The following SGIP1 variants were observed in gnomAD, a reference collection of about 807,000 sequenced individuals.
SGIP1 encodes SH3-containing GRB2-like protein 3-interacting protein 1.
SGIP1 carries 38 observed loss-of-function variants against 107.5 expected under a neutral mutation model. The ratio of observed to expected loss-of-function variants is 0.35; its 90% CI spans 0.27 to 0.46. The LOEUF is 0.46. Among genes scored for constraint, SGIP1 ranks in the 20% least tolerant of loss-of-function variants. The pLI, the probability that SGIP1 is intolerant of heterozygous loss-of-function variation, is 1.00. For synonymous variants in SGIP1, 365 were observed against 366.1 expected, an observed-to-expected ratio of 1.00 and a Z score of 0.03; for missense variants, 929 against 1,019.5, an observed-to-expected ratio of 0.91 and a Z score of 1.21.
intron 21 of SGIP1, among the ~76,000 whole-genome samples, chr1:66,736,189 T>G (rs1453166645): frequency 2.0e-5 from 1 of 50,522 alleles, no homozygotes; most frequent in African/African-American, 9.8e-5. Flanking sequence ...ATATAAATAT[T>G]TATACAAATA....
intron 21 of SGIP1, among the ~76,000 whole-genome samples, chr1:66,734,912 GACTAA>G (rs1489881791): frequency 5.9e-5 from 9 of 152,164 alleles, no homozygotes; most frequent in Non-Finnish European, 1.0e-4. Flanking sequence ...GTTATGGAAT[GACTAA>G]ACTAACATAC....
chr1:66,554,194 A>T (rs972342009), intron 1 of SGIP1, among the ~76,000 whole-genome samples: 1 of 152,114 alleles, frequency 6.6e-6, no homozygotes, highest in Non-Finnish European at 1.5e-5. Context: ...AGTCAATACA[A>T]TTTCAGAACA....
intron 1 of SGIP1, among the ~76,000 whole-genome samples, chr1:66,557,944 T>G (rs1183943749): frequency 6.6e-6 from 1 of 152,146 alleles, no homozygotes; most frequent in Non-Finnish European, 1.5e-5. Flanking sequence ...ATGGTAGGCC[T>G]GTTTGCATGT....
intron 7 of SGIP1, among the ~76,000 whole-genome samples, chr1:66,644,372 C>T (rs2077296818): frequency 6.6e-6 from 1 of 151,544 alleles, no homozygotes; most frequent in South Asian, 2.1e-4. Flanking sequence ...ATTATTTTTG[C>T]ACAATTTGCA....
intron 2 of SGIP1, 126 bp from the exon 3 acceptor site, chr1:66,632,944 G>T: frequency 1.4e-6 from 1 of 735,610 alleles, no homozygotes; most frequent in Non-Finnish European, 2.4e-6. Context: ...TCATTAGCCA[G>T]GTTTACTGGG....
intron 8 of SGIP1, among the ~76,000 whole-genome samples, chr1:66,661,815 A>C (rs973537462): frequency 6.6e-6 from 1 of 151,648 alleles, no homozygotes; most frequent in Non-Finnish European, 1.5e-5. Flanking sequence ...TCTCTTTTTC[A>C]TTAATTTTTC....
At chr1:66,702,381 G>A (rs546979784) in intron 18 of SGIP1, among the ~76,000 whole-genome samples, 3 of 152,236 alleles carry the variant, frequency 2.0e-5, no homozygotes, top group Admixed American at 1.3e-4. Context: ...CAATAACCAC[G>A]TGATCTTGAG....
rs146323793 is a variant in SGIP1 at position 66,599,789 on chromosome 1, C to G, written c.11-26058C>G. 2.0e-5 allele frequency among the ~76,000 whole-genome samples: 3 copies of G among 152,278 alleles called. No homozygotes were observed. In the East Asian group the frequency reaches 5.8e-4, roughly 29 times the overall value. The stretch of plus-strand genomic sequence containing the variant: ...CCTGTAACCGAGGAGGCTGTGAGGT[C>G]TTACAGAGAATATTACCCTCTCCTC... On this transcript the variant is annotated intron_variant, in intron 1 of 24. Coordinates refer to ENST00000371037, the MANE Select transcript of SGIP1 (RefSeq NM_032291.4).
chr1:66,594,757 G>A (rs573795322), intron 1 of SGIP1, among the ~76,000 whole-genome samples: 1 of 152,246 alleles, frequency 6.6e-6, no homozygotes, highest in Admixed American at 6.5e-5. Context: ...AGCTTGGGTG[G>A]GTTGCTGATA....
chr1:66,749,576 A>G lies in SGIP1; in HGVS notation c.*6481A>G, dbSNP rs556734573. Among the ~76,000 whole-genome samples, 119 of 152,190 alleles carry G rather than the reference A, an allele frequency of 7.8e-4. No homozygotes were observed. Among genetic ancestry groups the G allele is most frequent in the Non-Finnish European group, 1.4e-3 (92 of 67,930 alleles). ...TCTGTTATCATATAGAAAAGAATCA[A>G]ACTGAATCACTTTACATTTCTCTAA... On this transcript the variant is annotated 3_prime_UTR_variant, in exon 25 of 25. Transcript: ENST00000371037.
At chr1:66,606,134 A>T (rs2066791360) in intron 1 of SGIP1, among the ~76,000 whole-genome samples, 1 of 152,224 alleles carries the variant, frequency 6.6e-6, no homozygotes, top group Admixed American at 6.5e-5. Context: ...CCTGTAGTCA[A>T]GCTCAAATAT....
chr1:66,730,916 C>T (rs942162947), intron 20 of SGIP1, among the ~76,000 whole-genome samples: 1 of 152,188 alleles, frequency 6.6e-6, no homozygotes, highest in African/African-American at 2.4e-5. Flanking sequence ...CTCAGCTCTA[C>T]TCTGCCTCCT....
At chr1:66,732,459 G>A (rs2094056468) in intron 20 of SGIP1, among the ~76,000 whole-genome samples, 1 of 152,176 alleles carries the variant, frequency 6.6e-6, no homozygotes, top group Non-Finnish European at 1.5e-5. Flanking sequence ...AGGACCAGGT[G>A]TATTTTCCAC....
chr1:66,662,061 G>T (rs1190131601), intron 8 of SGIP1, among the ~76,000 whole-genome samples: 1 of 152,094 alleles, frequency 6.6e-6, no homozygotes, highest in African/African-American at 2.4e-5. Context: ...ATATGTAGTC[G>T]ACCCAAGTTT....
At chr1:66,594,532 T>G (rs2064242506) in intron 1 of SGIP1, among the ~76,000 whole-genome samples, 1 of 152,208 alleles carries the variant, frequency 6.6e-6, no homozygotes, top group Non-Finnish European at 1.5e-5. Context: ...GGTCTGGCCC[T>G]TAGCCTTGGA....
At chr1:66,632,913 C>A (rs74583364) in intron 2 of SGIP1, among the ~76,000 whole-genome samples, 157 bp from the exon 3 acceptor site, 2,349 of 152,216 alleles carry the variant, frequency 0.015, 61 homozygotes, top group African/African-American at 0.051. Context: ...ACCACTCAAC[C>A]AATTTGTTTT....
chr1:66,620,688 T>G (rs1284021662), intron 1 of SGIP1, among the ~76,000 whole-genome samples: 1 of 152,226 alleles, frequency 6.6e-6, no homozygotes, highest in East Asian at 1.9e-4. Flanking sequence ...ATGTGGGGAT[T>G]ACAATTCCAG....
At chr1:66,652,075 T>A (rs1014467873) in intron 7 of SGIP1, among the ~76,000 whole-genome samples, 1 of 152,132 alleles carries the variant, frequency 6.6e-6, no homozygotes, top group African/African-American at 2.4e-5. Context: ...GAGACAAGGA[T>A]AAATAGAATG....
chr1:66,743,695 C>T lies in SGIP1; in HGVS notation c.*600C>T, dbSNP rs2094516294. 1 of 152,510 alleles carries T rather than the reference C, an allele frequency of 6.6e-6. No homozygotes were observed. The highest frequency in any genetic ancestry group is 6.5e-5 in the Admixed American group (1 of 15,272). The allele number at this position is 152,510 out of a possible 1,614,324, so 9.4% of individuals were successfully genotyped here. A position where few individuals can be genotyped will look rare whatever the true frequency, so the allele number is the denominator to read the frequency against. On this transcript the variant is annotated 3_prime_UTR_variant, in exon 25 of 25. Coordinates refer to ENST00000371037, the MANE Select transcript of SGIP1 (RefSeq NM_032291.4). ...ATTTCAGAAAAAAATTCTAAGGTTA[C>T]AGCATATTCAAAGAAAAGCATTAGT...
Sources: gnomAD v4.1 joint callset for allele counts (sites outside exome capture counted in the v4.1 genomes callset) on GRCh38, gnomAD v4.1.1 for gene constraint, MANE v1.5 for transcripts, NCBI Gene and HGNC (gene_info 2026-07-23, HGNC 2026-07-21) for gene names.